The following NBEA variants were observed in gnomAD, a reference collection of about 807,000 sequenced individuals.
NBEA encodes lysosomal-trafficking regulator 2.
Under a neutral mutation model 343.4 loss-of-function variants are expected in NBEA, and 44 were observed. The observed-to-expected ratio is 0.13, with a 90% confidence interval of 0.10 to 0.16. NBEA has a LOEUF of 0.16. Ranked by LOEUF, NBEA falls within the 10% of genes least tolerant of loss-of-function variation. The pLI is 1.00. For synonymous variants in NBEA, 1,175 were observed against 1,238.7 expected, an observed-to-expected ratio of 0.95 and a Z score of 1.08; for missense variants, 2,555 against 3,631.3, an observed-to-expected ratio of 0.70 and a Z score of 7.62.
intron 10 of NBEA, among the ~76,000 whole-genome samples, chr13:35,082,887 T>C (rs966837236): frequency 5.6e-4 from 85 of 152,282 alleles, no homozygotes; most frequent in African/African-American, 2.4e-5. Flanking sequence ...ACTCTGATGG[T>C]AGTTTCTTTT....
chr13:34,980,331 A>G (rs779747305), intron 1 of NBEA, among the ~76,000 whole-genome samples: 1 of 151,986 alleles, frequency 6.6e-6, no homozygotes, highest in African/African-American at 2.4e-5. Flanking sequence ...TCTTCAAATC[A>G]TTAGTATCAT....
intron 38 of NBEA, among the ~76,000 whole-genome samples, chr13:35,421,804 G>A (rs146786706): frequency 3.0e-3 from 449 of 152,160 alleles, no homozygotes; most frequent in Middle Eastern, 0.014. Context: ...GGGGTTGACG[G>A]TTCTTCTCTT....
chr13:35,255,167 AT>A (rs1284581576), intron 34 of NBEA, among the ~76,000 whole-genome samples: 1 of 152,142 alleles, frequency 6.6e-6, no homozygotes, highest in Non-Finnish European at 1.5e-5. Context: ...AACATTACTT[AT>A]TTTTTTCCCC....
chr13:35,471,536 G>C (rs149003813), intron 40 of NBEA, among the ~76,000 whole-genome samples: 1 of 152,124 alleles, frequency 6.6e-6, no homozygotes, highest in Non-Finnish European at 1.5e-5. Context: ...GCTCCCTTTG[G>C]GGAGACTTTA....
chr13:35,444,719 C>A (rs2045907468), intron 39 of NBEA, among the ~76,000 whole-genome samples: 1 of 151,996 alleles, frequency 6.6e-6, no homozygotes, highest in East Asian at 1.9e-4. Context: ...ATATTAAATG[C>A]ATTATCTCTT....
intron 34 of NBEA, among the ~76,000 whole-genome samples, chr13:35,243,526 T>G (rs1186689616): frequency 6.6e-6 from 1 of 151,882 alleles, no homozygotes; most frequent in Non-Finnish European, 1.5e-5. Context: ...AGACACTCAC[T>G]GTAAATCTAA....
At chr13:35,247,445 C>A (rs1325695008) in intron 34 of NBEA, among the ~76,000 whole-genome samples, 1 of 152,148 alleles carries the variant, frequency 6.6e-6, no homozygotes, top group Non-Finnish European at 1.5e-5. Flanking sequence ...CCCAGAGAAC[C>A]CACAGGGCTT....
intron 36 of NBEA, among the ~76,000 whole-genome samples, chr13:35,341,759 C>T (rs1455193333): frequency 1.3e-5 from 2 of 151,946 alleles, no homozygotes; most frequent in Non-Finnish European, 2.9e-5. Context: ...AAATTGGAAC[C>T]CTCACACTTT....
At chr13:35,428,934 G>A (rs1394378105) in intron 38 of NBEA, among the ~76,000 whole-genome samples, 2 of 152,098 alleles carry the variant, frequency 1.3e-5, no homozygotes, top group Non-Finnish European at 2.9e-5. Context: ...TCTTCACTTG[G>A]CCTCCATTGA....
At chr13:35,095,413 A>G (rs2065283762) in intron 10 of NBEA, among the ~76,000 whole-genome samples, 1 of 151,488 alleles carries the variant, frequency 6.6e-6, no homozygotes, top group South Asian at 2.1e-4. Context: ...TTCTTTATCA[A>G]TAAAGGCCAA....
chr13:35,327,746 G>A (rs773751169), intron 36 of NBEA, among the ~76,000 whole-genome samples: 1 of 151,750 alleles, frequency 6.6e-6, no homozygotes, highest in African/African-American at 2.4e-5. Flanking sequence ...CCCAGGTAAC[G>A]ATCCTGCATC....
chr13:35,098,184 T>C (rs555787513), intron 10 of NBEA, 113 bp from the exon 11 acceptor site: 14 of 673,250 alleles, frequency 2.1e-5, no homozygotes, highest in Non-Finnish European at 3.5e-5. Context: ...GTCAGTAAAA[T>C]AGAGATGAGA....
At chr13:35,133,661 C>A (rs2067552429) in intron 17 of NBEA, among the ~76,000 whole-genome samples, 1 of 151,884 alleles carries the variant, frequency 6.6e-6, no homozygotes, top group Non-Finnish European at 1.5e-5. Flanking sequence ...TTGCACAAAT[C>A]AAATATAAAG....
At chr13:35,311,372 A>G (rs2037356255) in intron 36 of NBEA, among the ~76,000 whole-genome samples, 2 of 151,820 alleles carry the variant, frequency 1.3e-5, no homozygotes, top group South Asian at 4.2e-4. Flanking sequence ...GAGTTATCAG[A>G]ATTGAACCTC....
chr13:35,484,270 G>A (rs61949167), intron 41 of NBEA, among the ~76,000 whole-genome samples: 52,344 of 119,194 alleles, frequency 0.44, 12,345 homozygotes, highest in Non-Finnish European at 0.55. Context: ...GTGTGTGTGT[G>A]TGTGTATATA....
chr13:35,244,743 C>A (rs2030916767), intron 34 of NBEA, among the ~76,000 whole-genome samples: 1 of 152,026 alleles, frequency 6.6e-6, no homozygotes, highest in Non-Finnish European at 1.5e-5. Context: ...TGATTCTACC[C>A]ATGCATGAGC....
At chr13:34,978,522 T>G (rs2060254635) in intron 1 of NBEA, among the ~76,000 whole-genome samples, 1 of 152,178 alleles carries the variant, frequency 6.6e-6, no homozygotes, top group Non-Finnish European at 1.5e-5. Context: ...CATCTAATAT[T>G]CTGTGAGTTG....
chr13:35,501,074 A>G (rs1163202127), intron 41 of NBEA, among the ~76,000 whole-genome samples: 1 of 152,148 alleles, frequency 6.6e-6, no homozygotes, highest in Non-Finnish European at 1.5e-5. Context: ...GCTGCTACAC[A>G]CAAAGTAAAG....
At chr13:35,401,213 C>G (rs1253934600) in intron 38 of NBEA, among the ~76,000 whole-genome samples, 2 of 151,930 alleles carry the variant, frequency 1.3e-5, no homozygotes, top group African/African-American at 4.8e-5. Context: ...GACGCTGTAG[C>G]AAGCACTATT....
Sources: gnomAD v4.1 joint callset for allele counts (sites outside exome capture counted in the v4.1 genomes callset) on GRCh38, gnomAD v4.1.1 for gene constraint, MANE v1.5 for transcripts, NCBI Gene and HGNC (gene_info 2026-07-23, HGNC 2026-07-21) for gene names.